Variants in COL23A1 observed in about 807,000 individuals in gnomAD.
COL23A1 encodes collagen type XXIII alpha 1 chain.
A neutral mutation model predicts 99.3 loss-of-function variants in COL23A1; 97 were observed. That is an observed-to-expected ratio of 0.98 (90% CI 0.83 to 1.16). The LOEUF (loss-of-function observed/expected upper bound fraction) is 1.16. Ranked by LOEUF, COL23A1 falls within the 50% of genes most tolerant of loss-of-function variation. The pLI is 0.00. For synonymous variants in COL23A1, 320 were observed against 308.2 expected, an observed-to-expected ratio of 1.04 and a Z score of -0.40; for missense variants, 762 against 757.4, an observed-to-expected ratio of 1.01 and a Z score of -0.07.
chr5:178,483,178 T>A (rs1181910780), intron 2 of COL23A1, among the ~76,000 whole-genome samples: 2 of 152,234 alleles, frequency 1.3e-5, no homozygotes, highest in Admixed American at 6.5e-5. Flanking sequence ...CTGATGACCA[T>A]CTTAAGGCAA....
chr5:178,401,144 T>C lies in COL23A1; in HGVS notation c.362-94225A>G, dbSNP rs1206926828. 2.0e-5 allele frequency among the ~76,000 whole-genome samples: 3 copies of C among 152,274 alleles called. No homozygotes were observed. In the South Asian group the frequency reaches 6.2e-4, roughly 31 times the overall value. On this transcript the variant is annotated intron_variant, in intron 2 of 28. Transcript: ENST00000390654. ...CTGGCATATTTCACTTAGCATAATG[T>C]CCTCAAGATTCGTCCACTTTGTAAC...
At chr5:178,448,033 G>T (rs1767262405) in intron 2 of COL23A1, among the ~76,000 whole-genome samples, 1 of 152,226 alleles carries the variant, frequency 6.6e-6, no homozygotes, top group Non-Finnish European at 1.5e-5. Context: ...TACCCCCAAT[G>T]CGACAGTATT....
intron 9 of COL23A1, among the ~76,000 whole-genome samples, chr5:178,262,660 A>G (rs1765699341): frequency 6.6e-6 from 1 of 152,134 alleles, no homozygotes; most frequent in Non-Finnish European, 1.5e-5. Context: ...CTGGGAGGAA[A>G]GCTGAGGCTG....
In COL23A1 at chr5:178,246,308, C is replaced by A; in HGVS notation, c.1360-1G>T. 6.4e-7 allele frequency: 1 copy of A among 1,556,772 alleles called. No homozygotes were observed. The highest frequency in any genetic ancestry group is 2.4e-5 in the East Asian group (1 of 41,724). ...TAAGGCCCGGTGGGCCAACTGGCCC[C>A]TGGATAGAAAAGGAATGAGTCAAGA... On this transcript the variant is annotated splice_acceptor_variant, in intron 23 of 28. Coordinates refer to ENST00000390654, the MANE Select transcript of COL23A1 (RefSeq NM_173465.4). LOFTEE classifies it high-confidence loss of function.
intron 12 of COL23A1, 108 bp from the exon 13 acceptor site, chr5:178,257,675 G>A (rs1765383690): frequency 1.7e-6 from 2 of 1,171,238 alleles, no homozygotes; most frequent in Admixed American, 2.0e-5. Flanking sequence ...CATCTGCACT[G>A]GCACATGGTA....
intron 1 of COL23A1, among the ~76,000 whole-genome samples, chr5:178,563,462 C>T (rs1380172644): frequency 6.6e-6 from 1 of 151,792 alleles, no homozygotes; most frequent in Non-Finnish European, 1.5e-5. Flanking sequence ...ACTGGCCACA[C>T]CTGTCCCAGT....
At chr5:178,440,299 C>T (rs895222081) in intron 2 of COL23A1, among the ~76,000 whole-genome samples, 5 of 152,186 alleles carry the variant, frequency 3.3e-5, no homozygotes, top group Admixed American at 1.3e-4. Flanking sequence ...ACCCAAGCCC[C>T]GTGGAACTCT....
intron 2 of COL23A1, among the ~76,000 whole-genome samples, chr5:178,520,883 G>C (rs950979519): frequency 6.6e-6 from 1 of 152,186 alleles, no homozygotes; most frequent in Non-Finnish European, 1.5e-5. Context: ...GAATTTATAG[G>C]AATAATTTAG....
intron 1 of COL23A1, among the ~76,000 whole-genome samples, chr5:178,586,010 T>C (rs2113758773): frequency 6.6e-6 from 1 of 152,262 alleles, no homozygotes; most frequent in South Asian, 2.1e-4. Context: ...ACCGCTCTCT[T>C]CCCTGCCCCC....
intron 2 of COL23A1, among the ~76,000 whole-genome samples, chr5:178,400,879 C>A (rs189906338): frequency 8.9e-4 from 135 of 152,276 alleles, no homozygotes; most frequent in African/African-American, 3.2e-3. Flanking sequence ...ATCAGGTGAT[C>A]CACTGGCCTC....
intron 1 of COL23A1, among the ~76,000 whole-genome samples, chr5:178,563,849 C>T (rs1375100898): frequency 6.6e-6 from 1 of 152,084 alleles, no homozygotes; most frequent in Non-Finnish European, 1.5e-5. Flanking sequence ...ACGCTTTTCC[C>T]CATTGTATTC....
chr5:178,532,752 G>C (rs1165507983), intron 2 of COL23A1, among the ~76,000 whole-genome samples: 2 of 152,186 alleles, frequency 1.3e-5, no homozygotes, highest in Non-Finnish European at 2.9e-5. Flanking sequence ...TACATGCAAT[G>C]ATGAGGATAG....
chr5:178,469,091 G>A (rs1478089820), intron 2 of COL23A1, among the ~76,000 whole-genome samples: 4 of 152,314 alleles, frequency 2.6e-5, no homozygotes, highest in Admixed American at 6.5e-5. Context: ...ATCTCCTTCC[G>A]TCTGAAAGCT....
intron 2 of COL23A1, among the ~76,000 whole-genome samples, chr5:178,418,638 C>A (rs1289673111): frequency 2.0e-5 from 3 of 150,266 alleles, no homozygotes; most frequent in Admixed American, 2.0e-4. Flanking sequence ...CTCCCAGCCC[C>A]ACAGTGACCC....
chr5:178,291,951 C>G (rs1351873708), intron 3 of COL23A1, among the ~76,000 whole-genome samples: 1 of 152,144 alleles, frequency 6.6e-6, no homozygotes, highest in East Asian at 1.9e-4. Context: ...GCTTGGACAT[C>G]CCATTGAGCT....
intron 2 of COL23A1, among the ~76,000 whole-genome samples, chr5:178,357,494 T>C (rs1161888242): frequency 6.6e-6 from 1 of 152,212 alleles, no homozygotes; most frequent in Non-Finnish European, 1.5e-5. Context: ...GTTTTAACCG[T>C]CCGCTGGGGA....
rs540707447 is a variant in COL23A1 at position 178,584,319 on chromosome 5, C to G, written c.294+5585G>C. On this transcript the variant is annotated intron_variant, in intron 1 of 28. Transcript: ENST00000390654. ...GCCACTGCACCTGGCCACACACACACACACACACACACACACACACACACC... is the reference window on the plus strand; with the variant it reads ...GCCACTGCACCTGGCCACACACACAGACACACACACACACACACACACACC... Among the ~76,000 whole-genome samples the G allele has an allele frequency of 2.4e-3, 363 of 150,536 alleles. 1 individual carries two copies. Among genetic ancestry groups the G allele is most frequent in the African/African-American group, 8.2e-3 (332 of 40,594 alleles).
At chr5:178,298,213 T>A (rs904430260) in intron 3 of COL23A1, among the ~76,000 whole-genome samples, 1 of 152,154 alleles carries the variant, frequency 6.6e-6, no homozygotes, top group Non-Finnish European at 1.5e-5. Flanking sequence ...TTCTGGGGCC[T>A]CTTAGGCTGA....
intron 2 of COL23A1, among the ~76,000 whole-genome samples, chr5:178,315,789 A>T (rs1329651983): frequency 6.8e-6 from 1 of 146,196 alleles, no homozygotes; most frequent in Admixed American, 6.8e-5. Context: ...TTTTTTCAAG[A>T]CAAATAATCT....
Sources: gnomAD v4.1 joint callset for allele counts (sites outside exome capture counted in the v4.1 genomes callset) on GRCh38, gnomAD v4.1.1 for gene constraint, MANE v1.5 for transcripts, NCBI Gene and HGNC (gene_info 2026-07-23, HGNC 2026-07-21) for gene names.